RNF11: variants seen among roughly 807,000 people sequenced by gnomAD.
The protein encoded by RNF11 is ring finger protein 11.
RNF11 carries 4 observed loss-of-function variants against 15.8 expected under a neutral mutation model. The observed-to-expected ratio is 0.25, with a 90% CI of 0.12 to 0.58. RNF11 has a LOEUF of 0.58. Among genes scored for constraint, RNF11 ranks in the 20% least tolerant of loss-of-function variants. The pLI is 0.91. For synonymous variants in RNF11, 68 were observed against 72.3 expected, an observed-to-expected ratio of 0.94 and a Z score of 0.30; for missense variants, 139 against 194.4, an observed-to-expected ratio of 0.71 and a Z score of 1.70.
At chr1:51,261,376 A>G (rs1424296085) in intron 1 of RNF11, among the ~76,000 whole-genome samples, 5 of 152,172 alleles carry the variant, frequency 3.3e-5, no homozygotes, top group African/African-American at 7.2e-5. Context: ...GTGAGAGGCA[A>G]TCCCAGAGTG....
intron 1 of RNF11, among the ~76,000 whole-genome samples, chr1:51,254,263 C>A (rs1646894373): frequency 1.3e-5 from 2 of 151,798 alleles, no homozygotes; most frequent in African/African-American, 4.8e-5. Flanking sequence ...GTTAGATATT[C>A]CTTGCTTCCT....
chr1:51,257,259 G>A (rs769871969), intron 1 of RNF11, among the ~76,000 whole-genome samples: 2 of 152,060 alleles, frequency 1.3e-5, no homozygotes, highest in Admixed American at 1.3e-4. Context: ...TAAAAGTTTC[G>A]CATGAGGATA....
At position 51,272,347 on chromosome 1, in the gene RNF11, T is replaced by C. The variant is rs1646982954; in HGVS notation, c.*1025T>C. 6.5e-6 allele frequency: 1 copy of C among 152,754 alleles called. No individual in the cohort carries two copies. The highest frequency in any genetic ancestry group is 1.5e-5 in the Non-Finnish European group (1 of 68,018). The allele number at this position is 152,754 out of a possible 1,614,324, so 9.5% of individuals were successfully genotyped here. On this transcript the variant is annotated 3_prime_UTR_variant, in exon 3 of 3. Transcript: ENST00000242719. ...GATACTGCATCTCTCATTACTGTAG[T>C]GCTGAGGTTATTGAAGTTATACAAA...
chr1:51,264,301 TATATATATATATATATAC>T (rs1406746836), intron 1 of RNF11, among the ~76,000 whole-genome samples: 1 of 99,622 alleles, frequency 1.0e-5, no homozygotes, highest in East Asian at 2.6e-4. Context: ...TATATATATA[TATATATATATATATATAC>T]ACACACACAC....
chr1:51,243,974 T>C (rs918882712), intron 1 of RNF11, among the ~76,000 whole-genome samples: 2 of 152,306 alleles, frequency 1.3e-5, no homozygotes. Context: ...TCCTTCCCAG[T>C]CTCATTTCTA....
intron 1 of RNF11, among the ~76,000 whole-genome samples, chr1:51,267,852 T>C (rs1190816143): frequency 1.3e-5 from 2 of 152,202 alleles, no homozygotes; most frequent in Admixed American, 1.3e-4. Context: ...TGCCTCAGCT[T>C]ACTGAGTAGC....
At chr1:51,237,440 G>GTATATATATATATATATATATA (rs1236491697) in intron 1 of RNF11, among the ~76,000 whole-genome samples, 2 of 128,276 alleles carry the variant, frequency 1.6e-5, no homozygotes, top group Admixed American at 7.9e-5. Flanking sequence ...ATATATATAT[G>GTATATATATATATATATATATA]TGTATATATA....
chr1:51,238,873 G>A (rs1284766751), intron 1 of RNF11, among the ~76,000 whole-genome samples: 1 of 151,990 alleles, frequency 6.6e-6, no homozygotes, highest in Non-Finnish European at 1.5e-5. Context: ...GGGATTACAG[G>A]CGCGTGCCAC....
intron 1 of RNF11, among the ~76,000 whole-genome samples, chr1:51,250,179 TTA>T (rs1218324947): frequency 1.3e-5 from 2 of 152,212 alleles, no homozygotes; most frequent in African/African-American, 2.4e-5. Flanking sequence ...ATTGATATAA[TTA>T]TATATACTTA....
At chr1:51,270,863 T>C (rs1391254914) in intron 2 of RNF11, among the ~76,000 whole-genome samples, 2 of 152,256 alleles carry the variant, frequency 1.3e-5, no homozygotes, top group African/African-American at 4.8e-5. Flanking sequence ...TGCTATAATA[T>C]GTAGCTGTTT....
intron 1 of RNF11, among the ~76,000 whole-genome samples, chr1:51,255,547 G>A (rs963140702): frequency 1.3e-5 from 2 of 152,210 alleles, no homozygotes; most frequent in Non-Finnish European, 2.9e-5. Flanking sequence ...GTGGGCGACT[G>A]CACCCAGCTG....
chr1:51,242,738 A>G (rs923482573), intron 1 of RNF11, among the ~76,000 whole-genome samples: 8 of 152,042 alleles, frequency 5.3e-5, no homozygotes, highest in Non-Finnish European at 1.2e-4. Flanking sequence ...GGGATTACGG[A>G]TGTGAGTCAC....
At chr1:51,241,161 G>A (rs1646827461) in intron 1 of RNF11, among the ~76,000 whole-genome samples, 1 of 151,540 alleles carries the variant, frequency 6.6e-6, no homozygotes, top group South Asian at 2.1e-4. Context: ...GTCTCATTAT[G>A]TTGCTAGTCT....
At chr1:51,267,633 A>G (rs1646960924) in intron 1 of RNF11, among the ~76,000 whole-genome samples, 1 of 152,250 alleles carries the variant, frequency 6.6e-6, no homozygotes, top group Non-Finnish European at 1.5e-5. Flanking sequence ...ACTGCCTAGC[A>G]TATGACAAAA....
In RNF11 at chr1:51,271,329, G is replaced by A; in HGVS notation, c.*7G>A. The A allele has an allele frequency of 6.2e-7, 1 of 1,604,194 alleles. No homozygotes were observed. Among genetic ancestry groups the A allele is most frequent in the Non-Finnish European group, 8.5e-7 (1 of 1,173,448 alleles). On this transcript the variant is annotated 3_prime_UTR_variant, in exon 3 of 3. Transcript: ENST00000242719. ...ATCCTATGAGACTAATTGAGCCAGG[G>A]TCTCTTATCTGACTTCAAGTGAACC...
chr1:51,271,015 C>T, intron 2 of RNF11, 136 bp from the exon 3 acceptor site: 3 of 715,728 alleles, frequency 4.2e-6, no homozygotes, highest in Non-Finnish European at 7.0e-6. Context: ...AGTTTGCATG[C>T]TTTGGCAATA....
At chr1:51,263,425 A>T (rs1646939820) in intron 1 of RNF11, among the ~76,000 whole-genome samples, 1 of 152,172 alleles carries the variant, frequency 6.6e-6, no homozygotes, top group Non-Finnish European at 1.5e-5. Context: ...ACACAGGCAT[A>T]CCTTGTTTTA....
chr1:51,253,381 G>C (rs971610007), intron 1 of RNF11, among the ~76,000 whole-genome samples: 1 of 151,912 alleles, frequency 6.6e-6, no homozygotes, highest in East Asian at 1.9e-4. Context: ...AAAAAAGTTA[G>C]GTGTGGTGGC....
At chr1:51,262,040 A>G (rs759813832) in intron 1 of RNF11, among the ~76,000 whole-genome samples, 1 of 152,104 alleles carries the variant, frequency 6.6e-6, no homozygotes, top group East Asian at 1.9e-4. Flanking sequence ...GTTTTAGTAG[A>G]GATGGAGTTT....
Sources: gnomAD v4.1 joint callset for allele counts (sites outside exome capture counted in the v4.1 genomes callset) on GRCh38, gnomAD v4.1.1 for gene constraint, MANE v1.5 for transcripts, NCBI Gene and HGNC (gene_info 2026-07-23, HGNC 2026-07-21) for gene names.